The following CCDC3 variants were observed in gnomAD, a reference collection of about 807,000 sequenced individuals.
The protein encoded by CCDC3 is coiled-coil domain-containing protein 3.
A neutral mutation model predicts 21.4 loss-of-function variants in CCDC3; 24 were observed. That is an observed-to-expected ratio of 1.12 (90% CI 0.81 to 1.58). The LOEUF (loss-of-function observed/expected upper bound fraction) is 1.58. Ranked by LOEUF, CCDC3 falls within the 40% of genes most tolerant of loss-of-function variation. The probability of loss-of-function intolerance (pLI) is 0.00; values close to 1 mark genes in which losing one functional copy is unlikely to be tolerated. For synonymous variants in CCDC3, 186 were observed against 166.0 expected (o/e 1.12, Z -0.93); for missense variants, 425 against 360.9 (o/e 1.18, Z -1.44).
chr10:13,079,655 A>G (rs1429679425), intron 3 of CCDC3, among the ~76,000 whole-genome samples: 1 of 152,114 alleles, frequency 6.6e-6, no homozygotes, highest in Non-Finnish European at 1.5e-5. Context: ...AAGAGGTGAA[A>G]AATCCCCATT....
intron 5 of CCDC3, among the ~76,000 whole-genome samples, chr10:13,010,888 A>G (rs1835975834): frequency 6.6e-6 from 1 of 152,114 alleles, no homozygotes; most frequent in East Asian, 1.9e-4. Context: ...CATCTATAAA[A>G]CGGTCACAAA....
At chr10:12,921,382 G>A (rs781428093) in intron 2 of CCDC3, among the ~76,000 whole-genome samples, 1 of 152,144 alleles carries the variant, frequency 6.6e-6, no homozygotes, top group African/African-American at 2.4e-5. Flanking sequence ...AGGTCAGCCC[G>A]GGGCCCAGAG....
At chr10:12,958,761 C>T (rs1379306530) in intron 2 of CCDC3, among the ~76,000 whole-genome samples, 1 of 152,164 alleles carries the variant, frequency 6.6e-6, no homozygotes, top group Non-Finnish European at 1.5e-5. Flanking sequence ...TGACATCAGC[C>T]TCATCCTCAT....
At chr10:12,990,648 GAC>G (rs1001462532) in intron 2 of CCDC3, among the ~76,000 whole-genome samples, 18 of 152,176 alleles carry the variant, frequency 1.2e-4, no homozygotes, top group African/African-American at 4.3e-4. Flanking sequence ...CTGTGAGTTT[GAC>G]AGCTTCCCAA....
chr10:12,991,320 GTT>G (rs758986378), intron 2 of CCDC3, among the ~76,000 whole-genome samples: 4 of 127,080 alleles, frequency 3.1e-5, no homozygotes, highest in African/African-American at 9.4e-5. Context: ...TGTTGTTGTT[GTT>G]TTGTTTTTTT....
At chr10:13,042,955 C>A (rs1289360327) in intron 5 of CCDC3, among the ~76,000 whole-genome samples, 1 of 151,220 alleles carries the variant, frequency 6.6e-6, no homozygotes, top group Non-Finnish European at 1.5e-5. Context: ...TCCATGGCTT[C>A]TCACACCTAT....
At chr10:12,955,725 G>A (rs931752140) in intron 2 of CCDC3, among the ~76,000 whole-genome samples, 1 of 151,460 alleles carries the variant, frequency 6.6e-6, no homozygotes, top group Non-Finnish European at 1.5e-5. Context: ...GCTAATTTTT[G>A]TGTTTGTTTT....
At chr10:12,957,093 G>C (rs1173777009) in intron 2 of CCDC3, among the ~76,000 whole-genome samples, 1 of 152,112 alleles carries the variant, frequency 6.6e-6, no homozygotes, top group East Asian at 1.9e-4. Flanking sequence ...AAAGGACAAG[G>C]GCTCTGTCTC....
intron 4 of CCDC3, among the ~76,000 whole-genome samples, chr10:13,060,508 T>C (rs1474017529): frequency 6.6e-6 from 1 of 151,822 alleles, no homozygotes; most frequent in African/African-American, 2.4e-5. Flanking sequence ...TGCCAAAGAG[T>C]ATCTTTGTAA....
chr10:12,955,377 C>G (rs940737310), intron 2 of CCDC3, among the ~76,000 whole-genome samples: 107 of 152,212 alleles, frequency 7.0e-4, no homozygotes, highest in African/African-American at 2.6e-3. Flanking sequence ...TACTCCAACA[C>G]TTTAGAGTCT....
At position 13,059,646 on chromosome 10, in the gene CCDC3, AG is replaced by A. The variant is rs1318481339; in HGVS notation, c.-269-9706del. Among the ~76,000 whole-genome samples the A allele has an allele frequency of 2.0e-5, 3 of 152,090 alleles. 1 individual carries two copies. The highest frequency in any genetic ancestry group is 4.2e-4 in the South Asian group (2 of 4,808). On this transcript the variant is annotated intron_variant, in intron 4 of 6. Transcript: ENST00000378839. Reference sequence around the variant, plus strand: ...ACAGAGAGAAAGGAAAAATTACTGAAGGTTTTTTTTCTGCCATTTCACTTCA... The same window carrying A: ...ACAGAGAGAAAGGAAAAATTACTGAAGTTTTTTTTCTGCCATTTCACTTCA...
chr10:12,991,426 T>C (rs1835681517), intron 2 of CCDC3, among the ~76,000 whole-genome samples: 1 of 152,076 alleles, frequency 6.6e-6, no homozygotes. Flanking sequence ...GTTCAAGCGA[T>C]CCTCCTGCCT....
chr10:12,912,824 C>T (rs111366971), intron 2 of CCDC3, among the ~76,000 whole-genome samples: 26 of 152,210 alleles, frequency 1.7e-4, no homozygotes, highest in African/African-American at 4.3e-4. Flanking sequence ...ATTCTCTGCA[C>T]GTAGATACTC....
At position 13,041,504 on chromosome 10, in the gene CCDC3, A is replaced by ATTTTTTTTTTTTTTTTT. The variant is rs71477255; in HGVS notation, c.-2+8153_-2+8169dup. Among the ~76,000 whole-genome samples the ATTTTTTTTTTTTTTTTT allele has an allele frequency of 4.8e-5, 3 of 62,086 alleles. 1 individual carries two copies. The highest frequency in any genetic ancestry group is 5.5e-4 in the East Asian group (1 of 1,826). 40.7% of individuals were successfully genotyped at this position (62,086 alleles called of 152,430 possible). A position where few individuals can be genotyped will look rare whatever the true frequency, so the allele number is the denominator to read the frequency against. ...GTTCACTCCAAGTGTCTGGCAGATAATTTTTTTTTTTTTTTTTTTTTTTTT... is the reference window on the plus strand; with the variant it reads ...GTTCACTCCAAGTGTCTGGCAGATAATTTTTTTTTTTTTTTTTTTTTTTTTTTTTTTTTTTTTTTTTT... On this transcript the variant is annotated intron_variant, in intron 5 of 6. Coordinates refer to the CCDC3 transcript ENST00000378839.
At chr10:13,075,571 A>T (rs1836953881) in intron 3 of CCDC3, among the ~76,000 whole-genome samples, 1 of 152,206 alleles carries the variant, frequency 6.6e-6, no homozygotes, top group Admixed American at 6.5e-5. Context: ...ACACTAATAA[A>T]TAAATAAATA....
intron 2 of CCDC3, among the ~76,000 whole-genome samples, chr10:12,991,510 G>C (rs148787292): frequency 6.6e-6 from 1 of 151,946 alleles, no homozygotes; most frequent in Non-Finnish European, 1.5e-5. Context: ...TAGTAGAGAC[G>C]GGGTTTCACC....
chr10:12,948,529 G>A lies in CCDC3; in HGVS notation c.549+49809C>T, dbSNP rs369973650. Among the ~76,000 whole-genome samples, 4 of 151,744 alleles carry A rather than the reference G, an allele frequency of 2.6e-5. No individual in the cohort carries two copies. In the East Asian group the frequency reaches 7.8e-4, roughly 29 times the overall value. On this transcript the variant is annotated intron_variant, in intron 2 of 2. Coordinates refer to ENST00000378825, the MANE Select transcript of CCDC3 (RefSeq NM_031455.4). ...CACCTTCAGCTCCAGAACCCCGTGT[G>A]TTTTCTCTACCTTTGGGACTTTTCC...
At chr10:12,970,303 A>G (rs1835322317) in intron 2 of CCDC3, among the ~76,000 whole-genome samples, 1 of 152,196 alleles carries the variant, frequency 6.6e-6, no homozygotes, top group African/African-American at 2.4e-5. Flanking sequence ...TCAATATACA[A>G]TAGTTCAACT....
intron 2 of CCDC3, among the ~76,000 whole-genome samples, chr10:12,901,934 C>T (rs990763769): frequency 1.3e-5 from 2 of 152,162 alleles, no homozygotes; most frequent in Admixed American, 6.5e-5. Flanking sequence ...TCCCCATCTC[C>T]GCCTGGCCAT....
Sources: gnomAD v4.1 joint callset for allele counts (sites outside exome capture counted in the v4.1 genomes callset) on GRCh38, gnomAD v4.1.1 for gene constraint, MANE v1.5 for transcripts, NCBI Gene and HGNC (gene_info 2026-07-23, HGNC 2026-07-21) for gene names.